The following MCU variants were observed in gnomAD, a reference collection of about 807,000 sequenced individuals.
MCU encodes mitochondrial calcium uniporter, also known as calcium uniporter protein, mitochondrial.
Under a neutral mutation model 45.2 loss-of-function variants are expected in MCU, and 12 were observed. That is an observed-to-expected ratio of 0.27 (90% CI 0.17 to 0.43). MCU has a LOEUF of 0.43. Ranked by LOEUF, MCU falls within the 20% of genes least tolerant of loss-of-function variation. The probability of loss-of-function intolerance (pLI) is 1.00; values close to 1 mark genes in which losing one functional copy is unlikely to be tolerated. For synonymous variants in MCU, 160 were observed against 165.1 expected, an observed-to-expected ratio of 0.97 and a Z score of 0.24; for missense variants, 324 against 436.7, an observed-to-expected ratio of 0.74 and a Z score of 2.30.
intron 7 of MCU, among the ~76,000 whole-genome samples, chr10:72,885,128 G>C (rs955796162): frequency 2.0e-5 from 3 of 152,152 alleles, no homozygotes; most frequent in African/African-American, 7.2e-5. Context: ...CCTAAGTGGA[G>C]TTCTGTCTTC....
At chr10:72,775,069 TC>T (rs1386499764) in intron 1 of MCU, among the ~76,000 whole-genome samples, 2 of 152,058 alleles carry the variant, frequency 1.3e-5, no homozygotes, top group Non-Finnish European at 2.9e-5. Flanking sequence ...ACAGAACATT[TC>T]ACCCAAATGC....
chr10:72,813,243 G>A (rs1366074692), intron 1 of MCU, among the ~76,000 whole-genome samples: 4 of 151,574 alleles, frequency 2.6e-5, no homozygotes. Context: ...AGCAACAGCT[G>A]ACCAGCCAAC....
intron 1 of MCU, among the ~76,000 whole-genome samples, chr10:72,765,786 CAAA>C (rs36071651): frequency 6.3e-5 from 4 of 63,222 alleles, no homozygotes; most frequent in South Asian, 6.5e-4. Context: ...GACGCTGTCT[CAAA>C]AAAAAAAAAA....
chr10:72,738,113 T>TA (rs2132692844), intron 1 of MCU, among the ~76,000 whole-genome samples: 1 of 152,256 alleles, frequency 6.6e-6, no homozygotes, highest in South Asian at 2.1e-4. Context: ...ACAGTCTAAG[T>TA]AAAAACCACT....
chr10:72,886,827 C>G lies in MCU; in HGVS notation c.*1005C>G, dbSNP rs530656962. 2.0e-5 allele frequency: 3 copies of G among 152,458 alleles called. No individual in the cohort carries two copies. The highest frequency in any genetic ancestry group is 7.2e-5 in the African/African-American group (3 of 41,562). 9.4% of individuals were successfully genotyped at this position (152,458 alleles called of 1,614,324 possible). ...CTTTGTTCATCTCGAAGGACACACA[C>G]TTCCACACTGTTTGTGAGCCCTCCC... On this transcript the variant is annotated 3_prime_UTR_variant, in exon 8 of 8. Coordinates refer to ENST00000373053, the MANE Select transcript of MCU (RefSeq NM_138357.3).
At chr10:72,707,720 C>G (rs1198213074) in intron 1 of MCU, among the ~76,000 whole-genome samples, 1 of 151,822 alleles carries the variant, frequency 6.6e-6, no homozygotes, top group African/African-American at 2.4e-5. Flanking sequence ...ATCTGTTCCT[C>G]TTTGTTCCGT....
intron 1 of MCU, among the ~76,000 whole-genome samples, chr10:72,759,339 G>T (rs1843622471): frequency 6.6e-6 from 1 of 152,204 alleles, no homozygotes; most frequent in South Asian, 2.1e-4. Context: ...ACAGGATAGG[G>T]ATTTTCACAG....
intron 4 of MCU, among the ~76,000 whole-genome samples, chr10:72,863,489 TAC>T (rs1386114081): frequency 6.6e-6 from 1 of 152,190 alleles, no homozygotes; most frequent in Non-Finnish European, 1.5e-5. Context: ...ATTCTTTAAA[TAC>T]AGTTGATTGT....
chr10:72,865,763 G>GT (rs111556239), intron 4 of MCU, among the ~76,000 whole-genome samples: 1,953 of 125,298 alleles, frequency 0.016, 17 homozygotes, highest in East Asian at 0.045. Flanking sequence ...GTGTGGTTTT[G>GT]TTTTTTTTTT....
intron 1 of MCU, among the ~76,000 whole-genome samples, chr10:72,743,032 G>C (rs529990605): frequency 2.7e-5 from 4 of 148,536 alleles, no homozygotes. Flanking sequence ...GAGAGGGTGA[G>C]GGGGAGAGAG....
chr10:72,721,559 T>C (rs898078898), intron 1 of MCU, among the ~76,000 whole-genome samples: 1 of 152,178 alleles, frequency 6.6e-6, no homozygotes, highest in Admixed American at 6.6e-5. Context: ...ACCTACCTCA[T>C]AGGATTTTTG....
intron 1 of MCU, among the ~76,000 whole-genome samples, chr10:72,776,903 G>A (rs1036732072): frequency 1.3e-5 from 2 of 152,088 alleles, no homozygotes; most frequent in African/African-American, 2.4e-5. Flanking sequence ...AAAATCAGTA[G>A]CATTTATATA....
chr10:72,786,455 T>C (rs1019066570), intron 1 of MCU, among the ~76,000 whole-genome samples: 3 of 152,108 alleles, frequency 2.0e-5, no homozygotes, highest in Admixed American at 2.0e-4. Flanking sequence ...TAAATTATTT[T>C]GAAGCATGGC....
chr10:72,770,909 T>C (rs1164746321), intron 1 of MCU, among the ~76,000 whole-genome samples: 1 of 152,326 alleles, frequency 6.6e-6, no homozygotes, highest in Non-Finnish European at 1.5e-5. Context: ...TCGTTTTTTT[T>C]CCTTTGTATT....
At chr10:72,854,505 A>G (rs1029912746) in intron 2 of MCU, among the ~76,000 whole-genome samples, 1 of 152,172 alleles carries the variant, frequency 6.6e-6, no homozygotes, top group African/African-American at 2.4e-5. Flanking sequence ...AAGCAGGGGG[A>G]ATGGAAGTAT....
At chr10:72,709,305 A>T (rs1842860753) in intron 1 of MCU, among the ~76,000 whole-genome samples, 1 of 152,226 alleles carries the variant, frequency 6.6e-6, no homozygotes, top group African/African-American at 2.4e-5. Context: ...CAAGTGTGAT[A>T]AAAACCTATT....
intron 1 of MCU, among the ~76,000 whole-genome samples, chr10:72,822,647 A>G (rs1429585751): frequency 6.6e-6 from 1 of 152,224 alleles, no homozygotes; most frequent in Non-Finnish European, 1.5e-5. Flanking sequence ...ACGATGAGAT[A>G]CCATTTAACA....
At chr10:72,825,545 C>T (rs1479745813) in intron 1 of MCU, among the ~76,000 whole-genome samples, 3 of 152,156 alleles carry the variant, frequency 2.0e-5, no homozygotes, top group Non-Finnish European at 4.4e-5. Flanking sequence ...TATTCAAGAA[C>T]AAAGGAAGCA....
intron 1 of MCU, among the ~76,000 whole-genome samples, chr10:72,750,797 C>G (rs1843483038): frequency 6.6e-6 from 1 of 152,096 alleles, no homozygotes. Context: ...TCCTCTCATC[C>G]CTAACCCCCC....
Sources: allele counts gnomAD v4.1 joint callset (sites outside exome capture counted in the v4.1 genomes callset), GRCh38; gene constraint gnomAD v4.1.1; transcripts MANE v1.5; gene names NCBI Gene and HGNC (gene_info 2026-07-23, HGNC 2026-07-21).